Variants in DYRK1A observed in about 807,000 individuals in gnomAD.
The protein encoded by DYRK1A is dual specificity tyrosine-phosphorylation-regulated kinase 1A.
A neutral mutation model predicts 79.7 loss-of-function variants in DYRK1A; 9 were observed. The ratio of observed to expected loss-of-function variants is 0.11; its 90% CI spans 0.07 to 0.20. DYRK1A has a LOEUF of 0.20. DYRK1A is among the 10% of genes least tolerant of loss of function. The pLI is 1.00. For missense variants in DYRK1A, 622 were observed against 956.0 expected (o/e 0.65, Z 4.61); for synonymous variants, 349 against 329.7 (o/e 1.06, Z -0.63).
chr21:37,405,325 A>G (rs1017896091), intron 1 of DYRK1A, among the ~76,000 whole-genome samples: 2 of 151,818 alleles, frequency 1.3e-5, no homozygotes, highest in African/African-American at 4.8e-5. Context: ...TCTTTTATCT[A>G]TTTTCTGCCT....
chr21:37,523,613 CTT>C lies in DYRK1A; in HGVS notation c.*11084_*11085del, dbSNP rs2053949820. 6.6e-6 allele frequency: 1 copy of C among 152,176 alleles called. No homozygotes were observed. The highest frequency in any genetic ancestry group is 6.5e-5 in the Admixed American group (1 of 15,280). The allele number at this position is 152,176 out of a possible 1,614,324, so 9.4% of individuals were successfully genotyped here. A position where few individuals can be genotyped will look rare whatever the true frequency, so the allele number is the denominator to read the frequency against. ...GAGAGCTCTGGAAGAGCAGGGACGA[CTT>C]TGGCTTCTGTTTCCTGCCCATTGCA... On this transcript the variant is annotated 3_prime_UTR_variant, in exon 12 of 12. Coordinates refer to ENST00000647188, the MANE Select transcript of DYRK1A (RefSeq NM_001347721.2).
chr21:37,408,876 T>C (rs2050194923), intron 1 of DYRK1A, among the ~76,000 whole-genome samples: 1 of 152,098 alleles, frequency 6.6e-6, no homozygotes, highest in South Asian at 2.1e-4. Context: ...TTCTGGAGGG[T>C]GAGGTGAACA....
intron 2 of DYRK1A, among the ~76,000 whole-genome samples, chr21:37,440,375 G>T (rs1027201289): frequency 6.6e-6 from 1 of 151,824 alleles, no homozygotes; most frequent in African/African-American, 2.4e-5. Flanking sequence ...GACCTCAAGT[G>T]ATCCGCCTGC....
At chr21:37,437,865 T>C (rs942831756) in intron 2 of DYRK1A, among the ~76,000 whole-genome samples, 4 of 152,214 alleles carry the variant, frequency 2.6e-5, no homozygotes, top group Non-Finnish European at 5.9e-5. Flanking sequence ...CTTTATTTCC[T>C]AACATTGGAG....
At chr21:37,465,350 A>T (rs1353465724) in intron 2 of DYRK1A, among the ~76,000 whole-genome samples, 1 of 152,220 alleles carries the variant, frequency 6.6e-6, no homozygotes, top group East Asian at 1.9e-4. Context: ...ATTCTCCCTA[A>T]AAAAAGTTTC....
At chr21:37,510,420 G>A (rs540796446) in intron 11 of DYRK1A, among the ~76,000 whole-genome samples, 3 of 152,338 alleles carry the variant, frequency 2.0e-5, no homozygotes, top group Non-Finnish European at 4.4e-5. Context: ...CCACTGGATA[G>A]AGACTGAGCC....
chr21:37,439,973 A>G (rs923857652), intron 2 of DYRK1A, among the ~76,000 whole-genome samples: 2 of 151,700 alleles, frequency 1.3e-5, no homozygotes, highest in African/African-American at 4.8e-5. Flanking sequence ...CTTTATTTTG[A>G]TTGTTTGATT....
At chr21:37,478,322 T>G in intron 4 of DYRK1A, 22 bp downstream of exon 4, 1 of 1,607,660 alleles carries the variant, frequency 6.2e-7, no homozygotes, top group Non-Finnish European at 8.5e-7. Flanking sequence ...TTTGTTATAA[T>G]AACATCTATC....
At chr21:37,384,330 T>C (rs1465188200) in intron 1 of DYRK1A, among the ~76,000 whole-genome samples, 1 of 152,158 alleles carries the variant, frequency 6.6e-6, no homozygotes, top group Non-Finnish European at 1.5e-5. Flanking sequence ...CTGGGGGAGC[T>C]GTAAGCAGAA....
At position 37,416,317 on chromosome 21, in the gene DYRK1A, C is replaced by CTTTTTTTTTT. The variant is rs775621138; in HGVS notation, c.-76-3971_-76-3962dup. Among the ~76,000 whole-genome samples, 7 of 98,150 alleles carry CTTTTTTTTTT rather than the reference C, an allele frequency of 7.1e-5. 2 individuals are homozygous for CTTTTTTTTTT. The highest frequency in any genetic ancestry group is 1.4e-4 in the Non-Finnish European group (7 of 49,222). 64.4% of individuals were successfully genotyped at this position (98,150 alleles called of 152,430 possible). A position where few individuals can be genotyped will look rare whatever the true frequency, so the allele number is the denominator to read the frequency against. ...TCTTTATAAAGTCTTGTGTTTTGGC[C>CTTTTTTTTTT]TTTTTTTTTTTTTTTTTTTTAAAGA... On this transcript the variant is annotated intron_variant, in intron 1 of 11. Coordinates refer to ENST00000647188, the MANE Select transcript of DYRK1A (RefSeq NM_001347721.2).
intron 1 of DYRK1A, among the ~76,000 whole-genome samples, chr21:37,377,760 A>G (rs535533189): frequency 3.3e-5 from 5 of 152,196 alleles, no homozygotes; most frequent in Admixed American, 1.3e-4. Flanking sequence ...CCCAGCCTCT[A>G]TTGTTCTTAA....
chr21:37,387,658 T>C (rs1355349821), intron 1 of DYRK1A, among the ~76,000 whole-genome samples: 1 of 152,234 alleles, frequency 6.6e-6, no homozygotes, highest in African/African-American at 2.4e-5. Flanking sequence ...GTTTCCTGGC[T>C]TTCTGGCCAT....
intron 2 of DYRK1A, among the ~76,000 whole-genome samples, chr21:37,439,313 C>G (rs576061116): frequency 4.3e-4 from 65 of 152,258 alleles, no homozygotes; most frequent in Admixed American, 7.8e-4. Flanking sequence ...GCTCCAACCT[C>G]TATGGAATGT....
intron 6 of DYRK1A, among the ~76,000 whole-genome samples, chr21:37,489,851 A>T (rs1000569001): frequency 6.6e-6 from 1 of 152,130 alleles, no homozygotes; most frequent in African/African-American, 2.4e-5. Flanking sequence ...TGAAGATAAA[A>T]TTGCTGAAAT....
intron 2 of DYRK1A, among the ~76,000 whole-genome samples, chr21:37,434,246 ACT>A (rs1351476926): frequency 1.3e-5 from 2 of 152,136 alleles, no homozygotes; most frequent in East Asian, 1.9e-4. Context: ...GTTTATAGAC[ACT>A]CTATGGAAAA....
intron 11 of DYRK1A, among the ~76,000 whole-genome samples, chr21:37,511,692 TATAACTTCCTA>T (rs1264526794): frequency 1.3e-5 from 2 of 152,202 alleles, no homozygotes; most frequent in Admixed American, 6.5e-5. Flanking sequence ...TATTTAAGGA[TATAACTTCCTA>T]AAAATTGCAG....
rs145872005 is a variant in DYRK1A, at chr21:37,439,563, A to G, written c.10+19179A>G. 1.7e-3 allele frequency among the ~76,000 whole-genome samples: 255 copies of G among 152,298 alleles called. 4 individuals are homozygous for G. Among genetic ancestry groups the G allele is most frequent in the Admixed American group, 0.016 (250 of 15,298 alleles). ...CTCTGCCTCTTTTCACGTCACCTGA[A>G]GCATTAGACTCGCATAGACATGCAC... On this transcript the variant is annotated intron_variant, in intron 2 of 11. Transcript: ENST00000647188.
At position 37,519,880 on chromosome 21, in the gene DYRK1A, T is replaced by C. The variant is rs1326187319; in HGVS notation, c.*7349T>C. ...CCTCAGCCTCCAGAGTAGCTGGGAC[T>C]ACTGGCGCCCGCCACCACGCCCGGC... On this transcript the variant is annotated 3_prime_UTR_variant, in exon 12 of 12. Transcript: ENST00000647188. The C allele has an allele frequency of 6.6e-6, 1 of 152,032 alleles. No individual in the cohort carries two copies. Among genetic ancestry groups the C allele is most frequent in the Non-Finnish European group, 1.5e-5 (1 of 68,094 alleles). 9.4% of individuals were successfully genotyped at this position (152,032 alleles called of 1,614,324 possible).
chr21:37,470,105 C>T (rs1303968347), intron 2 of DYRK1A, among the ~76,000 whole-genome samples: 1 of 152,130 alleles, frequency 6.6e-6, no homozygotes. Flanking sequence ...GATTGTGCCA[C>T]TGCACTCCAG....
Sources: allele counts gnomAD v4.1 joint callset (sites outside exome capture counted in the v4.1 genomes callset), GRCh38; gene constraint gnomAD v4.1.1; transcripts MANE v1.5; gene names NCBI Gene and HGNC (gene_info 2026-07-23, HGNC 2026-07-21).